TRHDE: variants seen among roughly 807,000 people sequenced by gnomAD.
TRHDE encodes the protein thyrotropin releasing hormone degrading enzyme.
Under a neutral mutation model 125.7 loss-of-function variants are expected in TRHDE, and 72 were observed. That is an observed-to-expected ratio of 0.57 (90% CI 0.47 to 0.70). The LOEUF (loss-of-function observed/expected upper bound fraction) is 0.70, where lower values mean the gene tolerates loss of function less well. Ranked by LOEUF, TRHDE falls within the 30% of genes least tolerant of loss-of-function variation. The pLI, the probability that TRHDE is intolerant of heterozygous loss-of-function variation, is 0.00. For missense variants in TRHDE, 1,110 were observed against 1,327.1 expected (o/e 0.84, Z 2.54); for synonymous variants, 509 against 509.1 (o/e 1.00, Z 0.00).
intron 7 of TRHDE, among the ~76,000 whole-genome samples, chr12:72,546,570 T>G (rs1217270934): frequency 1.3e-5 from 2 of 151,588 alleles, no homozygotes. Context: ...CTTCTTTAAA[T>G]CTAATCAAGG....
At chr12:72,520,840 A>G (rs111714524) in intron 6 of TRHDE, among the ~76,000 whole-genome samples, 1 of 152,168 alleles carries the variant, frequency 6.6e-6, no homozygotes, top group Non-Finnish European at 1.5e-5. Flanking sequence ...CTCTTTTATT[A>G]CCGTATTAAA....
intron 5 of TRHDE, among the ~76,000 whole-genome samples, chr12:72,486,743 A>G (rs1877426703): frequency 6.6e-6 from 1 of 152,194 alleles, no homozygotes; most frequent in Non-Finnish European, 1.5e-5. Flanking sequence ...GGGACACAAG[A>G]AACATGAAAA....
chr12:72,481,131 C>G (rs375112170), intron 5 of TRHDE, among the ~76,000 whole-genome samples: 4 of 151,940 alleles, frequency 2.6e-5, no homozygotes, highest in Non-Finnish European at 5.9e-5. Context: ...ATTAATCATC[C>G]TTAACCAGAC....
rs182269796 is a variant in TRHDE, at chr12:72,158,726, C to T, written n.279+52974C>T. On this transcript the variant is annotated intron_variant and non_coding_transcript_variant, in intron 2 of 4. Transcript: ENST00000548156. ...CAGAATTAAATAAGATTTGCATAAT[C>T]CTCTGTTCTGTTTTGTTGGAAGCCT... 2.0e-5 allele frequency among the ~76,000 whole-genome samples: 3 copies of T among 152,196 alleles called. No homozygotes were observed. In the East Asian group the frequency reaches 5.8e-4, roughly 29 times the overall value.
intron 1 of TRHDE, among the ~76,000 whole-genome samples, chr12:72,087,661 G>A (rs924091762): frequency 1.1e-4 from 16 of 152,246 alleles, no homozygotes; most frequent in African/African-American, 3.4e-4. Flanking sequence ...TGGTGACATG[G>A]CATGGGATAG....
chr12:72,515,734 G>A (rs1878818923), intron 6 of TRHDE, among the ~76,000 whole-genome samples: 1 of 151,944 alleles, frequency 6.6e-6, no homozygotes, highest in Non-Finnish European at 1.5e-5. Flanking sequence ...TGTCCTAAAT[G>A]GTAATGCCTA....
chr12:72,138,070 A>T (rs1876024686), intron 2 of TRHDE, among the ~76,000 whole-genome samples: 1 of 152,224 alleles, frequency 6.6e-6, no homozygotes, highest in African/African-American at 2.4e-5. Flanking sequence ...TGGTCACTGA[A>T]CATTGGCATT....
At chr12:72,149,587 C>CT (rs201795573) in intron 2 of TRHDE, among the ~76,000 whole-genome samples, 38 of 148,730 alleles carry the variant, frequency 2.6e-4, no homozygotes, top group East Asian at 5.9e-4. Context: ...AACACTCATT[C>CT]TTTTTTTTTT....
At chr12:72,152,593 G>A (rs942277019) in intron 2 of TRHDE, among the ~76,000 whole-genome samples, 14 of 152,330 alleles carry the variant, frequency 9.2e-5, no homozygotes, top group African/African-American at 3.1e-4. Context: ...TTTATTGAGA[G>A]TTTTTAGCAT....
At chr12:72,280,638 G>A (rs1565682588) in intron 1 of TRHDE, among the ~76,000 whole-genome samples, 1 of 152,132 alleles carries the variant, frequency 6.6e-6, no homozygotes. Flanking sequence ...AGATGGAGAG[G>A]GTTGAGGGAG....
intron 2 of TRHDE, among the ~76,000 whole-genome samples, chr12:72,156,360 C>T (rs1036404062): frequency 9.2e-5 from 14 of 152,194 alleles, no homozygotes; most frequent in East Asian, 1.9e-4. Context: ...GGTGATGCCT[C>T]GCCCTGCTTC....
intron 5 of TRHDE, among the ~76,000 whole-genome samples, chr12:72,498,053 T>A (rs1035820326): frequency 6.6e-6 from 1 of 152,166 alleles, no homozygotes; most frequent in African/African-American, 2.4e-5. Flanking sequence ...ATTCAGTCAT[T>A]ACCATATAAT....
At chr12:72,110,694 T>C (rs1875295653) in intron 2 of TRHDE, among the ~76,000 whole-genome samples, 1 of 152,160 alleles carries the variant, frequency 6.6e-6, no homozygotes, top group African/African-American at 2.4e-5. Flanking sequence ...GGTGATGCCA[T>C]GATTGCTGTT....
chr12:72,372,138 G>A (rs935574894), intron 2 of TRHDE, among the ~76,000 whole-genome samples: 1 of 152,052 alleles, frequency 6.6e-6, no homozygotes, highest in Non-Finnish European at 1.5e-5. Flanking sequence ...TTCTCTGATG[G>A]CCAGTGATGC....
At chr12:72,206,371 G>C (rs1877665756) in intron 2 of TRHDE, among the ~76,000 whole-genome samples, 1 of 152,264 alleles carries the variant, frequency 6.6e-6, no homozygotes, top group South Asian at 2.1e-4. Flanking sequence ...AGGATTATAG[G>C]TGTGAGCCAC....
At chr12:72,202,162 C>T (rs1565661398) in intron 2 of TRHDE, among the ~76,000 whole-genome samples, 1 of 152,126 alleles carries the variant, frequency 6.6e-6, no homozygotes, top group Non-Finnish European at 1.5e-5. Flanking sequence ...CATGGTAGGT[C>T]TTAGATGTGC....
chr12:72,525,636 A>AGTGTGTGTGTGTGTGTGT (rs1565778326), intron 6 of TRHDE, among the ~76,000 whole-genome samples: 13 of 129,564 alleles, frequency 1.0e-4, no homozygotes, highest in African/African-American at 4.2e-4. Flanking sequence ...TGTGTGTGTG[A>AGTGTGTGTGTGTGTGTGT]GAGAGAGAGA....
intron 2 of TRHDE, among the ~76,000 whole-genome samples, chr12:72,174,000 G>C (rs535666045): frequency 6.6e-6 from 1 of 152,072 alleles, no homozygotes; most frequent in Non-Finnish European, 1.5e-5. Flanking sequence ...CAAGAGAACC[G>C]GTCTATTTCT....
intron 3 of TRHDE, among the ~76,000 whole-genome samples, chr12:72,442,655 A>G (rs966771575): frequency 1.3e-5 from 2 of 151,728 alleles, no homozygotes; most frequent in Non-Finnish European, 2.9e-5. Flanking sequence ...ATATTTTTGC[A>G]GTAGATCCAA....
Sources: allele counts gnomAD v4.1 joint callset (sites outside exome capture counted in the v4.1 genomes callset), GRCh38; gene constraint gnomAD v4.1.1; transcripts MANE v1.5; gene names NCBI Gene and HGNC (gene_info 2026-07-23, HGNC 2026-07-21).